Variants in AMPD1 observed in about 807,000 individuals in gnomAD.
AMPD1 encodes AMP deaminase 1.
In AMPD1, 74 loss-of-function variants were observed where a neutral mutation model predicts 82.9. That is an observed-to-expected ratio of 0.89 (90% CI 0.74 to 1.08). AMPD1 has a LOEUF of 1.08. Among genes scored for constraint, AMPD1 ranks in the 50% least tolerant of loss-of-function variants. AMPD1 has a pLI of 0.00. For missense variants in AMPD1, 881 were observed against 924.5 expected (o/e 0.95, Z 0.61); for synonymous variants, 333 against 320.5 (o/e 1.04, Z -0.42).
chr1:114,682,347 T>C (rs895034519), intron 5 of AMPD1, among the ~76,000 whole-genome samples: 1 of 152,186 alleles, frequency 6.6e-6, no homozygotes, highest in African/African-American at 2.4e-5. Context: ...GAAATCCTTA[T>C]ACTTAAGGAT....
At chr1:114,675,777 C>T in intron 11 of AMPD1, 84 bp from the exon 12 acceptor site, 2 of 1,613,194 alleles carry the variant, frequency 1.2e-6, no homozygotes, top group Non-Finnish European at 1.7e-6. Flanking sequence ...TCCAAAGGCA[C>T]AGACCAAACA....
chr1:114,688,584 CAG>C lies in AMPD1; in HGVS notation c.190_191del (p.Leu64ValfsTer19). ...MQAHIFHLET[L>X]STSTEARRKK... is the part of the protein sequence containing the mutation. ...ACCTCCTGGCTTCTGTGGAGGTGGA[CAG>C]AGTCTCCAGATGGAATATGTGTGCT... On this transcript the variant is annotated frameshift_variant, in exon 3 of 16. Transcript: ENST00000520113. LOFTEE classifies it high-confidence loss of function. The C allele has an allele frequency of 6.2e-7, 1 of 1,614,162 alleles. No homozygotes were observed.
chr1:114,682,665 G>T (rs1438655706), intron 5 of AMPD1, among the ~76,000 whole-genome samples: 1 of 150,648 alleles, frequency 6.6e-6, no homozygotes, highest in East Asian at 2.0e-4. Context: ...TGCAAGCTCC[G>T]CCTCCCGGGT....
chr1:114,687,991 C>T (rs752422832), intron 3 of AMPD1, among the ~76,000 whole-genome samples: 11 of 152,210 alleles, frequency 7.2e-5, no homozygotes, highest in Admixed American at 3.9e-4. Flanking sequence ...TATGGTATCT[C>T]GAAGTCCTCT....
chr1:114,688,493 CA>C lies in AMPD1; in HGVS notation c.215+67del, dbSNP rs1267314732. ...GAACCATCATTTGGATAAATTGAACCATATCTTCCCTGGCAGATACCCCTCC... is the reference window on the plus strand; with the variant it reads ...GAACCATCATTTGGATAAATTGAACCTATCTTCCCTGGCAGATACCCCTCC... On this transcript the variant is annotated intron_variant, in intron 3 of 15. Transcript: ENST00000520113. 5 of 1,536,876 alleles carry C rather than the reference CA, an allele frequency of 3.3e-6. No homozygotes were observed. The African/African-American group carries it at 6.8e-5, about 21-fold the overall frequency.
In AMPD1 at chr1:114,694,500, A is replaced by G. The variant is rs1658620021; in HGVS notation, c.22+950T>C. On this transcript the variant is annotated intron_variant, in intron 1 of 15. Coordinates refer to ENST00000520113, the MANE Select transcript of AMPD1 (RefSeq NM_000036.3). ...TAGATTGAAAAGAAAAAAAAACACT[A>G]AAATGTTAAGAGTGAATATCTTTGG... is the stretch of plus-strand genomic sequence containing the variant. Among the ~76,000 whole-genome samples the G allele has an allele frequency of 2.6e-5, 4 of 152,186 alleles. 1 individual carries two copies. The South Asian group carries it at 8.3e-4, about 31-fold the overall frequency.
intron 4 of AMPD1, 102 bp downstream of exon 4, chr1:114,686,643 C>A (rs774638259): frequency 8.0e-7 from 1 of 1,249,518 alleles, no homozygotes; most frequent in Non-Finnish European, 1.2e-6. Context: ...GACAGGTGAG[C>A]TAATACCTCC....
At chr1:114,694,824 A>G (rs997204441) in intron 1 of AMPD1, among the ~76,000 whole-genome samples, 1 of 152,224 alleles carries the variant, frequency 6.6e-6, no homozygotes, top group Non-Finnish European at 1.5e-5. Context: ...AGCCTGGGCA[A>G]CAGAGTGACA....
chr1:114,690,831 G>A (rs1658495171), intron 2 of AMPD1, among the ~76,000 whole-genome samples: 1 of 152,102 alleles, frequency 6.6e-6, no homozygotes. Flanking sequence ...GTACCATGAA[G>A]GGCAAATGGA....
In AMPD1 at chr1:114,680,437, T is replaced by C. The variant is rs370874514; in HGVS notation, c.589A>G (p.Thr197Ala). Reference protein sequence around the residue: ...PVKKGEDPFRTDNLPENLGYH... With the variant: ...PVKKGEDPFRADNLPENLGYH... ...CCCAGGTTTTCAGGAAGGTTGTCTG[T>C]TCGGAAGGGGTCCTCTCCCTTCTTC... is the stretch of plus-strand genomic sequence containing the variant. The change falls in exon 6 of 16, where the codon ACA (threonine) becomes GCA (alanine). Residue 197 changes from threonine to alanine, a missense_variant. By Grantham distance (58) the Thr-to-Ala change is moderately conservative. Transcript: ENST00000520113. 4.0e-5 allele frequency: 64 copies of C among 1,614,180 alleles called. No individual in the cohort carries two copies. Among genetic ancestry groups the C allele is most frequent in the South Asian group, 8.8e-5 (8 of 91,078 alleles).
At chr1:114,688,418 G>C (rs1263137349) in intron 3 of AMPD1, 143 bp downstream of exon 3, 2 of 969,778 alleles carry the variant, frequency 2.1e-6, no homozygotes, top group Non-Finnish European at 3.2e-6. Context: ...GTGAGCCACT[G>C]TGCCCAGTCT....
chr1:114,675,828 A>G (rs776767742), intron 11 of AMPD1, 49 bp downstream of exon 11: 9 of 1,613,886 alleles, frequency 5.6e-6, no homozygotes, highest in Non-Finnish European at 7.6e-6. Flanking sequence ...ACCAGGTAGG[A>G]AGGCTGGTTC....
At position 114,677,876 on chromosome 1, in the gene AMPD1, C is replaced by A. The variant is rs202052347; in HGVS notation, c.1224+34G>T. 7.1e-4 allele frequency: 1,105 copies of A among 1,559,552 alleles called. 1 individual carries two copies. Among genetic ancestry groups the A allele is most frequent in the Non-Finnish European group, 9.0e-4 (1,036 of 1,146,682 alleles). ...TTCTTCCCTTTCCTCAAGAACCATG[C>A]CAGATACCATAGATGTGATTGGTTC... On this transcript the variant is annotated intron_variant, in intron 9 of 15. Transcript: ENST00000520113.
At chr1:114,684,438 T>C (rs1658254855) in intron 4 of AMPD1, 74 bp from the exon 5 acceptor site, 2 of 1,500,426 alleles carry the variant, frequency 1.3e-6, no homozygotes. Flanking sequence ...AGCTTATCCT[T>C]GGCACCTCCC....
intron 3 of AMPD1, 142 bp from the exon 4 acceptor site, chr1:114,687,052 C>A (rs557628271): frequency 1.2e-6 from 1 of 851,294 alleles, no homozygotes; most frequent in East Asian, 2.7e-5. Context: ...AAACAGGATC[C>A]AAGCATAGTG....
intron 8 of AMPD1, 93 bp from the exon 9 acceptor site, chr1:114,678,134 A>G: frequency 6.4e-7 from 1 of 1,553,130 alleles, no homozygotes; most frequent in South Asian, 1.1e-5. Context: ...GGGGTCTGGT[A>G]GTGGGGGAGG....
chr1:114,680,567 C>A, intron 5 of AMPD1, 89 bp from the exon 6 acceptor site: 1 of 1,087,830 alleles, frequency 9.2e-7, no homozygotes, highest in South Asian at 1.3e-5. Flanking sequence ...TACAACATCT[C>A]ATTAGCTTGG....
rs1657880917 is a variant in AMPD1, at chr1:114,673,151, A to G, written c.2207T>C (p.Leu736Pro). The G allele has an allele frequency of 6.2e-7, 1 of 1,614,080 alleles. No homozygotes were observed. The highest frequency in any genetic ancestry group is 8.5e-7 in the Non-Finnish European group (1 of 1,179,984). The change falls in exon 16 of 16, where the codon CTC becomes CCC. Residue 736 changes from leucine (L) to proline (P), a missense_variant. Transcript: ENST00000520113. ...TTTAAGACCCTCAGCAATTAAATTG[A>G]GTTCATAACACCAGGTTTCATAGCG... ...AYRYETWCYE[L>P]NLIAEGLKST...
intron 7 of AMPD1, among the ~76,000 whole-genome samples, chr1:114,679,158 C>T (rs1462304129): frequency 3.3e-5 from 5 of 152,102 alleles, no homozygotes; most frequent in African/African-American, 1.2e-4. Context: ...ACAATCCTCA[C>T]GTGAACTGGA....
Sources: gnomAD v4.1 joint callset for allele counts (sites outside exome capture counted in the v4.1 genomes callset) on GRCh38, gnomAD v4.1.1 for gene constraint, MANE v1.5 for transcripts, NCBI Gene and HGNC (gene_info 2026-07-23, HGNC 2026-07-21) for gene names.